CELA2A: variants seen among roughly 807,000 people sequenced by gnomAD.
CELA2A encodes chymotrypsin-like elastase family member 2A.
In CELA2A, 31 loss-of-function variants were observed where a neutral mutation model predicts 35.3. The observed-to-expected ratio is 0.88, with a 90% confidence interval of 0.66 to 1.19. The LOEUF is 1.19. Among genes scored for constraint, CELA2A ranks in the 50% most tolerant of loss-of-function variants. The pLI is 0.00. For missense variants in CELA2A, 330 were observed against 352.9 expected, an observed-to-expected ratio of 0.94 and a Z score of 0.52; for synonymous variants, 150 against 149.8, an observed-to-expected ratio of 1.00 and a Z score of -0.01.
intron 5 of CELA2A, chr1:15,465,764 C>T (rs187801839): frequency 6.4e-5 from 31 of 481,214 alleles, no homozygotes; most frequent in Middle Eastern, 1.1e-3. Flanking sequence ...CCTCTGAAAC[C>T]GGAATCTCAT....
chr1:15,467,726 T>C (rs1708540525), intron 7 of CELA2A, among the ~76,000 whole-genome samples, 188 bp downstream of exon 7: 1 of 152,088 alleles, frequency 6.6e-6, no homozygotes, highest in Admixed American at 6.5e-5. Flanking sequence ...TCTGTGTGGA[T>C]AAAGCTGAGT....
intron 2 of CELA2A, 89 bp downstream of exon 2, chr1:15,457,263 T>C (rs1244470376): frequency 1.5e-6 from 2 of 1,292,794 alleles, no homozygotes; most frequent in Admixed American, 1.8e-5. Context: ...TCTATTGTGC[T>C]GGCAAAGTGA....
intron 7 of CELA2A, among the ~76,000 whole-genome samples, chr1:15,471,373 C>T (rs1205932419): frequency 3.3e-5 from 5 of 152,018 alleles, no homozygotes; most frequent in Non-Finnish European, 5.9e-5. Context: ...ATGGTGAAAC[C>T]TCATCTCTAC....
In CELA2A at chr1:15,458,517, G is replaced by A. The variant is rs565422166; in HGVS notation, c.129+1343G>A. Among the ~76,000 whole-genome samples the A allele has an allele frequency of 4.6e-5, 7 of 152,288 alleles. No individual in the cohort carries two copies. The East Asian group carries it at 1.3e-3, about 29-fold the overall frequency. On this transcript the variant is annotated intron_variant, in intron 2 of 7. Transcript: ENST00000359621. ...TGAGTTTCTACCTTAAGTAGGAGGA[G>A]CAACTAGCAGCCCACTAGCCTTGAG...
rs569674062 is a variant in CELA2A at position 15,463,616 on chromosome 1, G to T, written c.493+94G>T. On this transcript the variant is annotated intron_variant, in intron 5 of 7. Coordinates refer to ENST00000359621, the MANE Select transcript of CELA2A (RefSeq NM_033440.3). ...CGGGGCCTCTCACCTGTCATCCCAG[G>T]GTGTGTGGCTGCCTTGGAGAGACGG... The T allele has an allele frequency of 8.8e-6, 14 of 1,583,222 alleles. 1 individual carries two copies. In the East Asian group the frequency reaches 2.9e-4, roughly 33 times the overall value.
intron 7 of CELA2A, among the ~76,000 whole-genome samples, chr1:15,468,060 C>A (rs1708546206): frequency 6.8e-6 from 1 of 146,002 alleles, no homozygotes; most frequent in African/African-American, 2.5e-5. Context: ...CCATTGCACT[C>A]CAGCCTGGAC....
At chr1:15,458,204 T>C (rs1187204189) in intron 2 of CELA2A, among the ~76,000 whole-genome samples, 3 of 152,170 alleles carry the variant, frequency 2.0e-5, no homozygotes, top group Non-Finnish European at 4.4e-5. Flanking sequence ...CCATATCTTA[T>C]CTACAAACCC....
rs1708375663 is a variant in CELA2A, at chr1:15,457,300, C to T, written c.129+126C>T. ...TATTGATGGGACTCAGAGAGCAGCA[C>T]AGGCAACTTTAGCAATAAGATATAT... is the stretch of plus-strand genomic sequence containing the variant. On this transcript the variant is annotated intron_variant, in intron 2 of 7. Coordinates refer to ENST00000359621, the MANE Select transcript of CELA2A (RefSeq NM_033440.3). 4 of 884,394 alleles carry T rather than the reference C, an allele frequency of 4.5e-6. No homozygotes were observed. The Admixed American group carries it at 9.0e-5, about 20-fold the overall frequency. 54.8% of individuals were successfully genotyped at this position (884,394 alleles called of 1,614,324 possible).
chr1:15,462,598 T>C (rs1258565249), intron 3 of CELA2A, 135 bp from the exon 4 acceptor site: 2 of 1,048,906 alleles, frequency 1.9e-6, no homozygotes, highest in Non-Finnish European at 2.8e-6. Flanking sequence ...AACTAACTGA[T>C]TGTCCCAGGG....
rs1436782974 is a variant in CELA2A, at chr1:15,465,264, G to T, written c.494-735G>T. Among the ~76,000 whole-genome samples, 6 of 152,030 alleles carry T rather than the reference G, an allele frequency of 3.9e-5. No individual in the cohort carries two copies. The East Asian group carries it at 1.2e-3, about 29-fold the overall frequency. On this transcript the variant is annotated intron_variant, in intron 5 of 7. Coordinates refer to ENST00000359621, the MANE Select transcript of CELA2A (RefSeq NM_033440.3). Reference sequence around the variant, plus strand: ...GACCTCAAGTGATCTGCCCACCTTGGCCTCCCTAAGCGCTGGGATTAGAGG... The same window carrying T: ...GACCTCAAGTGATCTGCCCACCTTGTCCTCCCTAAGCGCTGGGATTAGAGG...
At chr1:15,463,600 TCA>T in intron 5 of CELA2A, 78 bp downstream of exon 5, 2 of 1,597,130 alleles carry the variant, frequency 1.3e-6, no homozygotes, top group South Asian at 2.3e-5. Flanking sequence ...CCGGGGCCTC[TCA>T]CCTGTCATCC....
chr1:15,463,967 A>G (rs111795977), intron 5 of CELA2A, among the ~76,000 whole-genome samples: 14,958 of 151,932 alleles, frequency 0.098, 1,019 homozygotes, highest in African/African-American at 0.18. Flanking sequence ...CACGAGAATC[A>G]CTTGAACCTG....
chr1:15,470,136 G>A (rs1243968293), intron 7 of CELA2A, among the ~76,000 whole-genome samples: 1 of 152,170 alleles, frequency 6.6e-6, no homozygotes, highest in African/African-American at 2.4e-5. Flanking sequence ...ACGGGTTTCA[G>A]AAGGGGGAGA....
At chr1:15,461,817 T>A in intron 3 of CELA2A, 159 bp downstream of exon 3, 1 of 851,206 alleles carries the variant, frequency 1.2e-6, no homozygotes, top group South Asian at 1.4e-5. Flanking sequence ...GTTCAGTGTG[T>A]TGGCCCATCA....
Position 15,469,133 on chromosome 1 carries a change from G to A in CELA2A, c.792+1595G>A, listed in dbSNP as rs117935563. On this transcript the variant is annotated intron_variant, in intron 7 of 7. Coordinates refer to ENST00000359621, the MANE Select transcript of CELA2A (RefSeq NM_033440.3). ...GTGGAGGTTGCAGTAACCCGAGTTC[G>A]CACCACTGCACTCCAGCCTGGGCGA... Among the ~76,000 whole-genome samples the A allele has an allele frequency of 1.6e-4, 24 of 151,750 alleles. 1 individual carries two copies. In the East Asian group the frequency reaches 4.1e-3, roughly 26 times the overall value.
intron 7 of CELA2A, 130 bp downstream of exon 7, chr1:15,467,668 G>A (rs1708539604): frequency 2.5e-6 from 3 of 1,191,824 alleles, no homozygotes; most frequent in South Asian, 1.5e-5. Context: ...CCTTGGAGGA[G>A]GCTGCAGACC....
At chr1:15,456,959 T>A in intron 1 of CELA2A, 127 bp from the exon 2 acceptor site, 1 of 1,269,848 alleles carries the variant, frequency 7.9e-7, no homozygotes, top group Non-Finnish European at 1.1e-6. Flanking sequence ...AAGAGCAGGA[T>A]TCTATGACCT....
chr1:15,463,122 T>G (rs528954347), intron 4 of CELA2A: 4 of 710,566 alleles, frequency 5.6e-6, no homozygotes, highest in Non-Finnish European at 9.2e-6. Flanking sequence ...CCGCTGAGCA[T>G]GTATCTACTT....
chr1:15,456,879 A>C (rs1463472997), intron 1 of CELA2A, 86 bp downstream of exon 1: 6 of 1,550,068 alleles, frequency 3.9e-6, no homozygotes, highest in Non-Finnish European at 5.3e-6. Context: ...TCTCGCCCCC[A>C]CCCAACCCCT....
Sources: gnomAD v4.1 joint callset for allele counts (sites outside exome capture counted in the v4.1 genomes callset) on GRCh38, gnomAD v4.1.1 for gene constraint, MANE v1.5 for transcripts, NCBI Gene and HGNC (gene_info 2026-07-23, HGNC 2026-07-21) for gene names.